The following EPB41L5 variants were observed in gnomAD, a reference collection of about 807,000 sequenced individuals.
The protein encoded by EPB41L5 is band 4.1-like protein 5.
EPB41L5 carries 55 observed loss-of-function variants against 106.6 expected under a neutral mutation model. That is an observed-to-expected ratio of 0.52 (90% CI 0.42 to 0.65). EPB41L5 has a LOEUF of 0.65. EPB41L5 is among the 30% of genes least tolerant of loss of function. EPB41L5 has a pLI of 0.00. For synonymous variants in EPB41L5, 297 were observed against 306.7 expected (o/e 0.97, Z 0.33); for missense variants, 871 against 882.1 (o/e 0.99, Z 0.16).
intron 20 of EPB41L5, among the ~76,000 whole-genome samples, chr2:120,151,177 G>A (rs1016430425): frequency 6.6e-6 from 1 of 152,042 alleles, no homozygotes; most frequent in Admixed American, 6.5e-5. Context: ...CCGGGTGCCT[G>A]TAGTCCCAGC....
chr2:120,047,977 A>G (rs1156535247), intron 3 of EPB41L5, among the ~76,000 whole-genome samples: 2 of 152,168 alleles, frequency 1.3e-5, no homozygotes, highest in African/African-American at 2.4e-5. Context: ...TGATTGGCAT[A>G]TGTTGAACCA....
intron 22 of EPB41L5, 46 bp from the exon 23 acceptor site, chr2:120,167,420 G>A: frequency 1.3e-6 from 2 of 1,496,640 alleles, no homozygotes; most frequent in South Asian, 2.3e-5. Context: ...ATGAAAATAA[G>A]TCAGTCTTTC....
intron 3 of EPB41L5, among the ~76,000 whole-genome samples, chr2:120,070,555 T>C (rs1284875206): frequency 1.4e-4 from 22 of 152,208 alleles, no homozygotes; most frequent in Non-Finnish European, 1.5e-5. Context: ...TTCAGGCCAC[T>C]GTCCCTGATG....
intron 3 of EPB41L5, among the ~76,000 whole-genome samples, chr2:120,059,411 T>A (rs1162475788): frequency 5.9e-5 from 9 of 152,100 alleles, no homozygotes; most frequent in Admixed American, 1.3e-4. Flanking sequence ...CTGTGGGACC[T>A]AGAGTTTAGA....
intron 20 of EPB41L5, among the ~76,000 whole-genome samples, chr2:120,149,628 A>G (rs1247749533): frequency 2.0e-5 from 3 of 152,074 alleles, no homozygotes; most frequent in African/African-American, 7.2e-5. Flanking sequence ...TTGTTTATTC[A>G]TCTGTTGATA....
chr2:120,131,290 T>A (rs1039480585), intron 17 of EPB41L5, among the ~76,000 whole-genome samples: 14 of 152,206 alleles, frequency 9.2e-5, no homozygotes, highest in African/African-American at 3.1e-4. Flanking sequence ...AAGAAAAGGA[T>A]CATGTCACAA....
chr2:120,146,435 A>G (rs549647346), intron 20 of EPB41L5, 146 bp downstream of exon 20: 5 of 543,154 alleles, frequency 9.2e-6, no homozygotes, highest in Non-Finnish European at 1.7e-5. Flanking sequence ...CAGACCACTT[A>G]GTACCTAGTT....
intron 3 of EPB41L5, among the ~76,000 whole-genome samples, chr2:120,043,816 G>A (rs1362531468): frequency 6.6e-6 from 1 of 152,026 alleles, no homozygotes; most frequent in Non-Finnish European, 1.5e-5. Context: ...TAGTCATAAA[G>A]GATTATAAGG....
chr2:120,098,658 G>A (rs1466726450), intron 14 of EPB41L5, among the ~76,000 whole-genome samples: 5 of 152,180 alleles, frequency 3.3e-5, no homozygotes, highest in Non-Finnish European at 4.4e-5. Context: ...ACACAGCTTG[G>A]CTTTGAACCC....
chr2:120,075,893 ACTTT>A, intron 7 of EPB41L5, 140 bp downstream of exon 7: 1 of 683,496 alleles, frequency 1.5e-6, no homozygotes, highest in Non-Finnish European at 2.5e-6. Context: ...TCCAACTCTG[ACTTT>A]TACTTGTTTT....
At chr2:120,125,627 T>G (rs770584340) in intron 16 of EPB41L5, among the ~76,000 whole-genome samples, 1 of 152,188 alleles carries the variant, frequency 6.6e-6, no homozygotes, top group Non-Finnish European at 1.5e-5. Context: ...CAATGCCCCA[T>G]TCTCCTGGGG....
At chr2:120,074,799 T>C (rs1341954182) in intron 5 of EPB41L5, among the ~76,000 whole-genome samples, 2 of 152,178 alleles carry the variant, frequency 1.3e-5, no homozygotes, top group Admixed American at 1.3e-4. Flanking sequence ...AATGAGATAG[T>C]AGCTATCATC....
intron 23 of EPB41L5, 126 bp downstream of exon 23, chr2:120,167,633 T>C: frequency 1.8e-6 from 2 of 1,113,686 alleles, no homozygotes; most frequent in Non-Finnish European, 2.6e-6. Context: ...TTAACTGAAC[T>C]TAACTTAATG....
intron 20 of EPB41L5, among the ~76,000 whole-genome samples, chr2:120,158,632 A>C (rs1687004670): frequency 6.6e-6 from 1 of 152,218 alleles, no homozygotes; most frequent in Non-Finnish European, 1.5e-5. Context: ...AGCCAACATC[A>C]TACTGAATGG....
chr2:120,174,080 C>T (rs1021016416), intron 24 of EPB41L5, among the ~76,000 whole-genome samples: 1 of 152,164 alleles, frequency 6.6e-6, no homozygotes, highest in Non-Finnish European at 1.5e-5. Flanking sequence ...TCATGCAGAG[C>T]CCATGAGGGC....
At chr2:120,130,784 C>T (rs777786593) in intron 17 of EPB41L5, among the ~76,000 whole-genome samples, 13 of 152,160 alleles carry the variant, frequency 8.5e-5, no homozygotes, top group Admixed American at 4.6e-4. Context: ...AACGTGTATC[C>T]GGGGCCTCCA....
intron 21 of EPB41L5, 33 bp downstream of exon 21, chr2:120,161,007 CAAAG>C (rs749840934): frequency 1.3e-6 from 2 of 1,553,714 alleles, no homozygotes; most frequent in African/African-American, 1.4e-5. Context: ...AAATTTTTGC[CAAAG>C]ACAGTTTTGA....
chr2:120,044,074 A>G (rs1027145076), intron 3 of EPB41L5, among the ~76,000 whole-genome samples: 1 of 151,754 alleles, frequency 6.6e-6, no homozygotes, highest in Non-Finnish European at 1.5e-5. Context: ...CAGGAGTTCA[A>G]GGTTGCAGTG....
At chr2:120,063,857 G>T (rs907121867) in intron 3 of EPB41L5, among the ~76,000 whole-genome samples, 1 of 152,026 alleles carries the variant, frequency 6.6e-6, no homozygotes, top group African/African-American at 2.4e-5. Context: ...CAGGAGAATC[G>T]CTTGAACCCG....
Sources: allele counts gnomAD v4.1 joint callset (sites outside exome capture counted in the v4.1 genomes callset), GRCh38; gene constraint gnomAD v4.1.1; transcripts MANE v1.5; gene names NCBI Gene and HGNC (gene_info 2026-07-23, HGNC 2026-07-21).